The following CCDC187 variants were observed in gnomAD, a reference collection of about 807,000 sequenced individuals.
CCDC187 encodes coiled-coil domain-containing protein 187.
Under a neutral mutation model 38.0 loss-of-function variants are expected in CCDC187, and 32 were observed. The ratio of observed to expected loss-of-function variants is 0.84; its 90% CI spans 0.64 to 1.13. The LOEUF is 1.13. CCDC187 is among the 50% of genes most tolerant of loss of function. The pLI is 0.00. For synonymous variants in CCDC187, 333 were observed against 347.9 expected (o/e 0.96, Z 0.48); for missense variants, 707 against 786.8 (o/e 0.90, Z 1.21).
chr9:136,270,949 A>G (rs1830829829), intron 14 of CCDC187, among the ~76,000 whole-genome samples: 1 of 152,246 alleles, frequency 6.6e-6, no homozygotes, highest in Non-Finnish European at 1.5e-5. Context: ...AATAATGTTT[A>G]TCCTAATGAT....
rs1831333920 is a variant in CCDC187, at chr9:136,291,610, G to A, written c.1003C>T (p.Pro335Ser). Reference protein sequence around the residue: ...SEKVIAAKCSPVCAQLPDATS... With the variant: ...SEKVIAAKCSSVCAQLPDATS... ...GCATCGGGCAACTGGGCACAAACCG[G>A]TGAGCACTTGGCAGCTATGACTTTC... Residue 335 changes from proline to serine, a missense_variant, in exon 6 of 26, where the codon CCG (proline) becomes TCG (serine). Pro to Ser is a moderately conservative substitution (Grantham distance 74). Transcript: ENST00000638797. 2.5e-6 allele frequency: 1 copy of A among 398,700 alleles called. No homozygotes were observed. The highest frequency in any genetic ancestry group is 4.4e-6 in the Non-Finnish European group (1 of 226,164). The allele number at this position is 398,700 out of a possible 1,614,324, so 24.7% of individuals were successfully genotyped here.
intron 12 of CCDC187, among the ~76,000 whole-genome samples, chr9:136,275,456 G>A (rs1395607579): frequency 7.3e-5 from 11 of 151,222 alleles, no homozygotes; most frequent in African/African-American, 2.4e-4. Context: ...ACACACACAC[G>A]TGCACACACA....
At chr9:136,256,144 G>A in intron 24 of CCDC187, 67 bp downstream of exon 24, 6 of 840,216 alleles carry the variant, frequency 7.1e-6, no homozygotes, top group Non-Finnish European at 7.2e-6. Flanking sequence ...GGGGGACAGG[G>A]GGTACCGGCT....
intron 18 of CCDC187, among the ~76,000 whole-genome samples, 187 bp downstream of exon 18, chr9:136,263,435 T>C (rs1329798986): frequency 6.6e-6 from 1 of 152,074 alleles, no homozygotes; most frequent in Non-Finnish European, 1.5e-5. Flanking sequence ...GGGGTTTCAC[T>C]GTGTTAGCCA....
At position 136,268,083 on chromosome 9, in the gene CCDC187, G is replaced by A; in HGVS notation, c.3485C>T (p.Ala1162Val). The A allele has an allele frequency of 1.0e-6, 1 of 985,548 alleles. No individual in the cohort carries two copies. Among genetic ancestry groups the A allele is most frequent in the Non-Finnish European group, 1.2e-6 (1 of 830,002 alleles). 61.1% of individuals were successfully genotyped at this position (985,548 alleles called of 1,614,324 possible). A position where few individuals can be genotyped will look rare whatever the true frequency, so the allele number is the denominator to read the frequency against. The change falls in exon 15 of 26, where the codon GCC (alanine) becomes GTC (valine). Residue 1162 changes from alanine (A) to valine (V), a missense_variant. By Grantham distance (64) the Ala-to-Val change is moderately conservative. Coordinates refer to ENST00000638797, the MANE Select transcript of CCDC187 (RefSeq NM_001378188.1). ...PDGALSQLPL[A>V]KFFPPDNPTH... is the part of the protein sequence containing the mutation. Reference sequence around the variant, plus strand: ...GGGGTTGTCCGGAGGGAAGAACTTGGCCAGGGGAAGCTGGGAGAGGGCTCC... The same window carrying A: ...GGGGTTGTCCGGAGGGAAGAACTTGACCAGGGGAAGCTGGGAGAGGGCTCC...
intron 11 of CCDC187, 94 bp downstream of exon 11, chr9:136,276,557 G>A (rs1169835315): frequency 6.6e-6 from 1 of 152,034 alleles, no homozygotes; most frequent in East Asian, 1.9e-4. Context: ...CTGCACATTA[G>A]TGCCACTTCT....
chr9:136,257,316 T>C lies in CCDC187; in HGVS notation c.4367-475A>G, dbSNP rs1430425456. ...TGAACCCGGGAGGCGGAGGTTGCAG[T>C]GAGCCAAGATCACGCTACTGTACTC... is the stretch of plus-strand genomic sequence containing the variant. On this transcript the variant is annotated intron_variant, in intron 22 of 25. Coordinates refer to ENST00000638797, the MANE Select transcript of CCDC187 (RefSeq NM_001378188.1). The surrounding 1 kb of genome is among the most constrained non-coding windows in gnomAD (Gnocchi z 4.5). Among the ~76,000 whole-genome samples, 1 of 152,088 alleles carries C rather than the reference T, an allele frequency of 6.6e-6. No homozygotes were observed. The highest frequency in any genetic ancestry group is 6.5e-5 in the Admixed American group (1 of 15,270).
At chr9:136,294,455 C>T (rs1380485275) in intron 4 of CCDC187, among the ~76,000 whole-genome samples, 3 of 152,232 alleles carry the variant, frequency 2.0e-5, no homozygotes, top group East Asian at 1.9e-4. Context: ...AGCTCCACCC[C>T]GTGGCCTGGG....
chr9:136,261,054 C>T (rs1054916980), intron 19 of CCDC187, among the ~76,000 whole-genome samples: 14 of 152,180 alleles, frequency 9.2e-5, no homozygotes, highest in Middle Eastern at 3.2e-3. Context: ...ACCCCCATGT[C>T]CTAAAGGATT....
Position 136,268,115 on chromosome 9 carries a change from G to A in CCDC187, c.3453C>T (p.Gly1151=). The A allele has an allele frequency of 1.0e-6, 1 of 985,510 alleles. No individual in the cohort carries two copies. The highest frequency in any genetic ancestry group is 1.2e-6 in the Non-Finnish European group (1 of 829,954). 61.0% of individuals were successfully genotyped at this position (985,510 alleles called of 1,614,324 possible). A position where few individuals can be genotyped will look rare whatever the true frequency, so the allele number is the denominator to read the frequency against. ...GAAGCTGGGAGAGGGCTCCGTCAGG[G>A]CCCTCCACCTCTGAGGAAGGAAGCG... ...VAKPASAEVE[G]PDGALSQLPL... The change falls in exon 15 of 26, where the codon GGC becomes GGT. Residue 1151 remains glycine, a synonymous_variant. Transcript: ENST00000638797.
In CCDC187 at chr9:136,290,928, A is replaced by T. The variant is rs1261643649; in HGVS notation, c.1685T>A (p.Leu562Gln). ...CTGGGCTGGAGGACTGGGCCTTTCC[A>T]GAGGGTTCCGCAGTCTGGGGCCAGG... ...EDPGPRLRNPLERPSPPAQRP... is the reference protein window; with the variant it reads ...EDPGPRLRNPQERPSPPAQRP... Residue 562 changes from leucine (L) to glutamine (Q), a missense_variant, in exon 6 of 26, where the codon CTG (leucine) becomes CAG (glutamine). Transcript: ENST00000638797. 1.8e-5 allele frequency: 7 copies of T among 398,546 alleles called. No homozygotes were observed. Among genetic ancestry groups the T allele is most frequent in the African/African-American group, 1.4e-4 (7 of 48,682 alleles). The allele number at this position is 398,546 out of a possible 1,614,324, so 24.7% of individuals were successfully genotyped here. A position where few individuals can be genotyped will look rare whatever the true frequency, so the allele number is the denominator to read the frequency against.
At chr9:136,261,932 T>C (rs966221358) in intron 19 of CCDC187, among the ~76,000 whole-genome samples, 29 of 152,220 alleles carry the variant, frequency 1.9e-4, no homozygotes, top group Admixed American at 1.9e-3. Flanking sequence ...CGGGAGGCTC[T>C]TGATGGGAAA....
At chr9:136,265,570 A>G (rs1427322356) in intron 17 of CCDC187, 22 of 152,256 alleles carry the variant, frequency 1.4e-4, no homozygotes, top group African/African-American at 5.3e-4. Flanking sequence ...CCCCTGCTTT[A>G]CAGAGACCAC....
chr9:136,278,408 G>A (rs1308382921), intron 10 of CCDC187, among the ~76,000 whole-genome samples: 8 of 152,292 alleles, frequency 5.3e-5, no homozygotes, highest in East Asian at 1.9e-4. Flanking sequence ...CTGTGACCCC[G>A]GAGAAAGCGA....
intron 14 of CCDC187, among the ~76,000 whole-genome samples, chr9:136,273,117 G>A (rs1554762658): frequency 6.6e-6 from 1 of 152,110 alleles, no homozygotes; most frequent in African/African-American, 2.4e-5. Flanking sequence ...AGAAAATAAA[G>A]GACAGACAGA....
Position 136,258,932 on chromosome 9 carries a change from C to A in CCDC187, c.4366G>T (p.Gly1456Ter). 6.1e-6 allele frequency: 6 copies of A among 985,386 alleles called. No homozygotes were observed. The highest frequency in any genetic ancestry group is 7.2e-6 in the Non-Finnish European group (6 of 829,994). The allele number at this position is 985,386 out of a possible 1,614,324, so 61.0% of individuals were successfully genotyped here. The change falls in exon 22 of 26, where the codon GGA (glycine) becomes TGA (stop). Residue 1456 changes from glycine (G) to a stop codon, truncating the protein, a stop_gained and splice_region_variant. Coordinates refer to ENST00000638797, the MANE Select transcript of CCDC187 (RefSeq NM_001378188.1). LOFTEE classifies it high-confidence loss of function. This position sits in a 1 kb window ranked among gnomAD's most constrained non-coding sequence, Gnocchi z 4.3. ...CACGCGGTGTTTCCAGGGTGCTTAC[C>A]TGGGGGTGGCTCCTTCACCTCCCGA... is the stretch of plus-strand genomic sequence containing the variant. ...RSREVKEPPP[G>*]DPQTKPGPSL... is the part of the protein sequence containing the mutation.
At chr9:136,300,597 G>T (rs1270630836) in intron 2 of CCDC187, among the ~76,000 whole-genome samples, 2 of 65,956 alleles carry the variant, frequency 3.0e-5, no homozygotes, top group Non-Finnish European at 3.0e-5. Flanking sequence ...TATTTCAAAA[G>T]ACTTTTTTTT....
At chr9:136,271,196 C>T (rs1365884848) in intron 14 of CCDC187, among the ~76,000 whole-genome samples, 2 of 152,176 alleles carry the variant, frequency 1.3e-5, no homozygotes, top group African/African-American at 4.8e-5. Flanking sequence ...ATGAAAAATC[C>T]ACAGGTCGAA....
chr9:136,289,408 A>G (rs1831256644), intron 7 of CCDC187, among the ~76,000 whole-genome samples: 1 of 150,364 alleles, frequency 6.7e-6, no homozygotes, highest in Non-Finnish European at 1.5e-5. Flanking sequence ...AATCCCAGCT[A>G]CTCAGGAGGC....
Sources: gnomAD v4.1 joint callset for allele counts (sites outside exome capture counted in the v4.1 genomes callset) on GRCh38, gnomAD v4.1.1 for gene constraint, Gnocchi (gnomAD v3.1) non-coding constraint, MANE v1.5 for transcripts, NCBI Gene and HGNC (gene_info 2026-07-23, HGNC 2026-07-21) for gene names.